GLS: variants seen among roughly 807,000 people sequenced by gnomAD.
GLS encodes glutaminase, also known as glutaminase kidney isoform, mitochondrial.
A neutral mutation model predicts 86.7 loss-of-function variants in GLS; 36 were observed. That is an observed-to-expected ratio of 0.42 (90% CI 0.32 to 0.55). The LOEUF (loss-of-function observed/expected upper bound fraction) is 0.55, where lower values mean the gene tolerates loss of function less well. Ranked by LOEUF, GLS falls within the 20% of genes least tolerant of loss-of-function variation. The pLI is 0.17. For synonymous variants in GLS, 317 were observed against 305.9 expected (o/e 1.04, Z -0.38); for missense variants, 528 against 833.4 (o/e 0.63, Z 4.51).
At chr2:190,912,710 A>T (rs540089775) in intron 7 of GLS, among the ~76,000 whole-genome samples, 1 of 152,254 alleles carries the variant, frequency 6.6e-6, no homozygotes, top group East Asian at 1.9e-4. Flanking sequence ...TGTTCATTAC[A>T]ATTCACTCTG....
At position 190,880,916 on chromosome 2, in the gene GLS, C is replaced by T. The variant is rs1688125040; in HGVS notation, c.-169C>T. ...GCAGCAGCAGCAGCAGCAGCAGCAG[C>T]AGCACCCGCATCCGCTGCGGGAGTC... On this transcript the variant is annotated 5_prime_UTR_variant, in exon 1 of 18. Coordinates refer to ENST00000320717, the MANE Select transcript of GLS (RefSeq NM_014905.5). 1 of 911,050 alleles carries T rather than the reference C, an allele frequency of 1.1e-6. No homozygotes were observed. The highest frequency in any genetic ancestry group is 1.7e-6 in the Non-Finnish European group (1 of 599,876). 56.4% of individuals were successfully genotyped at this position (911,050 alleles called of 1,614,324 possible).
At chr2:190,910,220 G>GTT in intron 6 of GLS, 43 bp from the exon 7 acceptor site, 1 of 1,091,118 alleles carries the variant, frequency 9.2e-7, no homozygotes, top group Non-Finnish European at 1.4e-6. Flanking sequence ...TTACTCAAGT[G>GTT]TTTAAGTATT....
Position 190,926,043 on chromosome 2 carries a change from A to G in GLS, c.1249-1263A>G, listed in dbSNP as rs151314833. Among the ~76,000 whole-genome samples the G allele has an allele frequency of 2.0e-3, 311 of 152,234 alleles. 2 individuals are homozygous for G. The highest frequency in any genetic ancestry group is 2.8e-3 in the Non-Finnish European group (190 of 68,008). On this transcript the variant is annotated intron_variant, in intron 11 of 17. Transcript: ENST00000320717. ...GAATCTACTGTAATGTGACATTTCT[A>G]TACTTCATTGCAAAAATCAAGAAAC...
rs550062350 is a variant in GLS, at chr2:190,880,851, C to G, written c.-234C>G. 5.2e-5 allele frequency: 42 copies of G among 810,884 alleles called. 5 individuals carry two copies. Among genetic ancestry groups the G allele is most frequent in the Non-Finnish European group, 8.0e-5 (40 of 500,120 alleles). The allele number at this position is 810,884 out of a possible 1,614,324, so 50.2% of individuals were successfully genotyped here. On this transcript the variant is annotated 5_prime_UTR_variant, in exon 1 of 18. Coordinates refer to ENST00000320717, the MANE Select transcript of GLS (RefSeq NM_014905.5). ...GGAGCCTTAGGCGGAGCGAAGAGAA[C>G]CGGTCGCGGCAATCCTAGCGCGCAG...
At chr2:190,888,406 C>G (rs1212660213) in intron 1 of GLS, among the ~76,000 whole-genome samples, 1 of 152,166 alleles carries the variant, frequency 6.6e-6, no homozygotes, top group African/African-American at 2.4e-5. Context: ...ACATTGTAAT[C>G]AATAGAGTTT....
rs1690326652 is a variant in GLS at position 190,938,094 on chromosome 2, C to G, written c.1650+6457C>G. ...AAAATTATATACCACATCTCAATGG[C>G]AAAGAATAATTCATTGTATTTATTT... On this transcript the variant is annotated intron_variant, in intron 14 of 17. Coordinates refer to ENST00000320717, the MANE Select transcript of GLS (RefSeq NM_014905.5). The surrounding 1 kb of genome is among the most constrained non-coding windows in gnomAD (Gnocchi z 4.1). 6.6e-6 allele frequency among the ~76,000 whole-genome samples: 1 copy of G among 151,120 alleles called. No individual in the cohort carries two copies. The highest frequency in any genetic ancestry group is 1.5e-5 in the Non-Finnish European group (1 of 67,370).
At chr2:190,912,404 T>C (rs1244184709) in intron 7 of GLS, among the ~76,000 whole-genome samples, 3 of 150,048 alleles carry the variant, frequency 2.0e-5, no homozygotes, top group African/African-American at 4.9e-5. Flanking sequence ...AAGCCTGATA[T>C]AACCCTATGT....
chr2:190,927,289 C>G lies in GLS; in HGVS notation c.1249-17C>G. The G allele has an allele frequency of 1.9e-6, 3 of 1,577,372 alleles. No homozygotes were observed. Among genetic ancestry groups the G allele is most frequent in the Non-Finnish European group, 2.6e-6 (3 of 1,164,506 alleles). On this transcript the variant is annotated splice_polypyrimidine_tract_variant and intron_variant, in intron 11 of 17. Coordinates refer to ENST00000320717, the MANE Select transcript of GLS (RefSeq NM_014905.5). ...TATTAAAAGTAGTATGAGAATTCTG[C>G]TTTTTCTTTGTGTTAGCTGTGCTCC...
At chr2:190,940,540 G>C (rs146141772) in intron 14 of GLS, among the ~76,000 whole-genome samples, 1 of 151,926 alleles carries the variant, frequency 6.6e-6, no homozygotes, top group Non-Finnish European at 1.5e-5. Flanking sequence ...TATTGTAGAC[G>C]TACCCACTTT....
At position 190,930,443 on chromosome 2, in the gene GLS, C is replaced by A; in HGVS notation, c.1432C>A (p.Leu478Ile). Residue 478 changes from leucine to isoleucine, a missense_variant, in exon 13 of 18, where the codon CTT (leucine) becomes ATT (isoleucine). This residue lies in a region of GLS where 163 missense variants were observed against 429.2 expected (regional missense o/e 0.38). Transcript: ENST00000320717. This position sits in a 1 kb window ranked among gnomAD's most constrained non-coding sequence, Gnocchi z 5.0. The part of the protein sequence containing the change: ...FSGQFAFHVG[L>I]PAKSGVAGGI... ...TTTACTGAATTATTTTTAGGTTGGTCTTCCTGCAAAATCTGGAGTTGCTGG... is the reference window on the plus strand; with the variant it reads ...TTTACTGAATTATTTTTAGGTTGGTATTCCTGCAAAATCTGGAGTTGCTGG... 6.2e-7 allele frequency: 1 copy of A among 1,607,040 alleles called. No individual in the cohort carries two copies. The highest frequency in any genetic ancestry group is 8.5e-7 in the Non-Finnish European group (1 of 1,173,864).
In GLS at chr2:190,947,727, A is replaced by G. The variant is rs1574617650; in HGVS notation, c.1651-5838A>G. On this transcript the variant is annotated intron_variant, in intron 14 of 17. Transcript: ENST00000320717. This position sits in a 1 kb window ranked among gnomAD's most constrained non-coding sequence, Gnocchi z 5.0. ...TGACAGGTATTTTAAAATCAATGTA[A>G]CTCAAGTATCCAGTGGGGAAATAGG... is the stretch of plus-strand genomic sequence containing the variant. Among the ~76,000 whole-genome samples, 1 of 152,194 alleles carries G rather than the reference A, an allele frequency of 6.6e-6. No homozygotes were observed. Among genetic ancestry groups the G allele is most frequent in the East Asian group, 1.9e-4 (1 of 5,196 alleles).
Position 190,895,805 on chromosome 2 carries a change from T to C in GLS, c.605+80T>C. 9.9e-7 allele frequency: 1 copy of C among 1,008,890 alleles called. No homozygotes were observed. The highest frequency in any genetic ancestry group is 1.5e-6 in the Non-Finnish European group (1 of 685,146). The allele number at this position is 1,008,890 out of a possible 1,614,324, so 62.5% of individuals were successfully genotyped here. ...TGCTTTTAAAACAAAATTGCATCTTTGAAGGCCACTGCTTCCTGTGTAATG... is the reference window on the plus strand; with the variant it reads ...TGCTTTTAAAACAAAATTGCATCTTCGAAGGCCACTGCTTCCTGTGTAATG... On this transcript the variant is annotated intron_variant, in intron 3 of 17. Coordinates refer to ENST00000320717, the MANE Select transcript of GLS (RefSeq NM_014905.5). This position sits in a 1 kb window ranked among gnomAD's most constrained non-coding sequence, Gnocchi z 4.2.
chr2:190,946,402 GTATC>G (rs1040595342), intron 14 of GLS, among the ~76,000 whole-genome samples: 7 of 152,140 alleles, frequency 4.6e-5, no homozygotes, highest in African/African-American at 1.7e-4. Context: ...TTGAAGAAAA[GTATC>G]TATTCCATGA....
At chr2:190,931,717 CTTAG>C (rs1257959048) in intron 14 of GLS, 80 bp downstream of exon 14, 23 of 664,698 alleles carry the variant, frequency 3.5e-5, no homozygotes, top group East Asian at 1.4e-4. Flanking sequence ...TAAATAAAAT[CTTAG>C]TTTGTTAGTG....
rs528363328 is a variant in GLS, at chr2:190,884,707, A to G, written c.386+3237A>G. Among the ~76,000 whole-genome samples, 17 of 152,356 alleles carry G rather than the reference A, an allele frequency of 1.1e-4. No homozygotes were observed. The East Asian group carries it at 1.7e-3, about 16-fold the overall frequency. On this transcript the variant is annotated intron_variant, in intron 1 of 17. Transcript: ENST00000320717. ...TTTAATGAGAAAGGAAAAGAGATAC[A>G]TAACAGAAATTGGGCTGGAAAAATA...
At position 190,956,279 on chromosome 2, in the gene GLS, A is replaced by G. The variant is rs944039022; in HGVS notation, c.1853+1461A>G. On this transcript the variant is annotated intron_variant, in intron 17 of 17. Transcript: ENST00000320717. This position sits in a 1 kb window ranked among gnomAD's most constrained non-coding sequence, Gnocchi z 4.2. ...GGTCTTATGTTTAAGTCTTTAATCC[A>G]TCTTGAGTTAATTTTTGTATAAGGT... Among the ~76,000 whole-genome samples, 15 of 152,156 alleles carry G rather than the reference A, an allele frequency of 9.9e-5. No homozygotes were observed. The highest frequency in any genetic ancestry group is 2.1e-4 in the Non-Finnish European group (14 of 68,024).
chr2:190,892,621 G>A (rs930095146), intron 1 of GLS, among the ~76,000 whole-genome samples: 5 of 152,092 alleles, frequency 3.3e-5, no homozygotes, highest in Admixed American at 6.6e-5. Flanking sequence ...AGAAAAGGGG[G>A]GTTAAGGCAT....
chr2:190,906,595 G>A (rs898329069), intron 6 of GLS, among the ~76,000 whole-genome samples: 5 of 152,136 alleles, frequency 3.3e-5, no homozygotes, highest in African/African-American at 4.8e-5. Flanking sequence ...ATTCATAGAC[G>A]TTTTCTAAGC....
At chr2:190,915,223 A>C (rs1366724765) in intron 7 of GLS, among the ~76,000 whole-genome samples, 1 of 148,886 alleles carries the variant, frequency 6.7e-6, no homozygotes, top group Non-Finnish European at 1.5e-5. Context: ...GATGGTCTCC[A>C]TCTCCTGACC....
Sources: gnomAD v4.1 joint callset for allele counts (sites outside exome capture counted in the v4.1 genomes callset) on GRCh38, gnomAD v4.1.1 for gene constraint, gnomAD v4.1.1 regional missense constraint, Gnocchi (gnomAD v3.1) non-coding constraint, MANE v1.5 for transcripts, NCBI Gene and HGNC (gene_info 2026-07-23, HGNC 2026-07-21) for gene names.